The following KLHL29 variants were observed in gnomAD, a reference collection of about 807,000 sequenced individuals.
KLHL29 encodes the protein kelch like family member 29, also known as kelch-like protein 29.
KLHL29 carries 21 observed loss-of-function variants against 80.4 expected under a neutral mutation model. The ratio of observed to expected loss-of-function variants is 0.26; its 90% CI spans 0.19 to 0.38. KLHL29 has a LOEUF of 0.38. Ranked by LOEUF, KLHL29 falls within the 10% of genes least tolerant of loss-of-function variation. The pLI, the probability that KLHL29 is intolerant of heterozygous loss-of-function variation, is 1.00. For synonymous variants in KLHL29, 511 were observed against 526.8 expected, an observed-to-expected ratio of 0.97 and a Z score of 0.41; for missense variants, 867 against 1,223.9, an observed-to-expected ratio of 0.71 and a Z score of 4.35.
intron 3 of KLHL29, among the ~76,000 whole-genome samples, chr2:23,605,772 CG>C (rs1318507159): frequency 1.6e-5 from 2 of 126,710 alleles, no homozygotes; most frequent in Non-Finnish European, 3.5e-5. Context: ...CTGGGAAAAC[CG>C]TTTTTTTTTT....
At chr2:23,629,077 C>T (rs553847085) in intron 3 of KLHL29, among the ~76,000 whole-genome samples, 3 of 152,322 alleles carry the variant, frequency 2.0e-5, no homozygotes, top group South Asian at 2.1e-4. Flanking sequence ...ACAGGCAGGG[C>T]GGCGGGGCCT....
At chr2:23,527,598 G>A (rs564794667) in intron 2 of KLHL29, among the ~76,000 whole-genome samples, 1 of 152,378 alleles carries the variant, frequency 6.6e-6, no homozygotes, top group South Asian at 2.1e-4. Context: ...GCCTTTCTCA[G>A]CGAAGAGTCG....
chr2:23,646,969 T>C (rs1669952110), intron 5 of KLHL29, among the ~76,000 whole-genome samples: 1 of 152,188 alleles, frequency 6.6e-6, no homozygotes, highest in Non-Finnish European at 1.5e-5. Flanking sequence ...CAGCTCTGGC[T>C]ATTGCCTCTG....
In KLHL29 at chr2:23,703,815, G is replaced by A. The variant is rs748058181; in HGVS notation, c.2396G>A (p.Gly799Glu). 39 of 1,537,406 alleles carry A rather than the reference G, an allele frequency of 2.5e-5. No homozygotes were observed. Among genetic ancestry groups the A allele is most frequent in the Middle Eastern group, 1.7e-4 (1 of 6,010 alleles). ...ACCACCATCTACGACCCTGAGAAAG[G>A]AAACATTAAGGCGGGCCCAAACATG... Reference protein sequence around the residue: ...RATTIYDPEKGNIKAGPNMNH... With the variant: ...RATTIYDPEKENIKAGPNMNH... The change falls in exon 13 of 14, where the codon GGA becomes GAA. Residue 799 changes from glycine (G) to glutamate (E), a missense_variant. Coordinates refer to ENST00000486442, the MANE Select transcript of KLHL29 (RefSeq NM_052920.2).
intron 2 of KLHL29, among the ~76,000 whole-genome samples, chr2:23,539,013 CT>C (rs1410631803): frequency 1.3e-5 from 2 of 152,200 alleles, no homozygotes; most frequent in African/African-American, 4.8e-5. Context: ...AACTCCTGAT[CT>C]GGCAAGGATG....
intron 1 of KLHL29, among the ~76,000 whole-genome samples, chr2:23,388,990 T>TTC (rs765415853): frequency 9.3e-4 from 65 of 70,250 alleles, no homozygotes; most frequent in African/African-American, 2.5e-3. Context: ...TTTCTTCTTC[T>TTC]TTTTTTTTTT....
At chr2:23,399,560 C>T (rs1036565826) in intron 1 of KLHL29, among the ~76,000 whole-genome samples, 3 of 152,110 alleles carry the variant, frequency 2.0e-5, no homozygotes, top group African/African-American at 4.8e-5. Context: ...CATTGCATTG[C>T]GTTTATTTAT....
rs952956317 is a variant in KLHL29, at chr2:23,684,957, G to C, written c.1079+420G>C. ...CCCCAGTGCCATCGTCCCTGCTGTCGGTGGTGACTAATGCCAGGAAAGCGC... is the reference window on the plus strand; with the variant it reads ...CCCCAGTGCCATCGTCCCTGCTGTCCGTGGTGACTAATGCCAGGAAAGCGC... On this transcript the variant is annotated intron_variant, in intron 6 of 13. Transcript: ENST00000486442. The surrounding 1 kb of genome is among the most constrained non-coding windows in gnomAD (Gnocchi z 4.4). Among the ~76,000 whole-genome samples, 2 of 152,198 alleles carry C rather than the reference G, an allele frequency of 1.3e-5. No homozygotes were observed. Among genetic ancestry groups the C allele is most frequent in the Non-Finnish European group, 1.5e-5 (1 of 68,028 alleles).
chr2:23,411,142 T>C lies in KLHL29; in HGVS notation c.-154+25362T>C, dbSNP rs72776719. On this transcript the variant is annotated intron_variant, in intron 1 of 13. Transcript: ENST00000486442. ...GTGGAGGCACAAGATGGGGTTATAA[T>C]GTCGATATGACAAATGTTGAAATAT... Among the ~76,000 whole-genome samples the C allele has an allele frequency of 8.4e-3, 1,279 of 152,362 alleles. 12 individuals carry two copies. Among genetic ancestry groups the C allele is most frequent in the Non-Finnish European group, 0.012 (790 of 68,038 alleles).
chr2:23,467,772 A>C (rs1664392478), intron 1 of KLHL29, among the ~76,000 whole-genome samples: 3 of 152,110 alleles, frequency 2.0e-5, no homozygotes, highest in African/African-American at 7.2e-5. Context: ...GGGCTCTGTG[A>C]AGGCTGAAAT....
intron 1 of KLHL29, among the ~76,000 whole-genome samples, chr2:23,430,605 C>A (rs928768783): frequency 1.3e-5 from 2 of 152,156 alleles, no homozygotes; most frequent in African/African-American, 4.8e-5. Context: ...TGCCCAGTGC[C>A]GTTCAGTTAC....
At chr2:23,661,340 T>TAAAAAAAAAAA (rs11483622) in intron 5 of KLHL29, among the ~76,000 whole-genome samples, 388 of 134,790 alleles carry the variant, frequency 2.9e-3, no homozygotes, top group African/African-American at 9.1e-3. Context: ...AGACCCTGTC[T>TAAAAAAAAAAA]AAAAAAAAAA....
At chr2:23,574,170 G>T (rs901161842) in intron 3 of KLHL29, among the ~76,000 whole-genome samples, 3 of 152,158 alleles carry the variant, frequency 2.0e-5, no homozygotes, top group African/African-American at 7.2e-5. Flanking sequence ...TTTGGAGGAG[G>T]AGAGGGAAGA....
chr2:23,545,155 C>T (rs1037280099), intron 2 of KLHL29, among the ~76,000 whole-genome samples: 1 of 152,038 alleles, frequency 6.6e-6, no homozygotes, highest in African/African-American at 2.4e-5. Flanking sequence ...AGCTGCCAGC[C>T]GAGGAGGCTG....
intron 5 of KLHL29, among the ~76,000 whole-genome samples, chr2:23,670,985 C>T (rs62127278): frequency 0.026 from 229 of 8,648 alleles, 17 homozygotes; most frequent in East Asian, 0.077. Context: ...TCTCTCCCTC[C>T]CTCCCTCCCT....
chr2:23,656,928 A>T (rs1273736928), intron 5 of KLHL29, among the ~76,000 whole-genome samples: 3 of 141,964 alleles, frequency 2.1e-5, no homozygotes, highest in Non-Finnish European at 4.6e-5. Flanking sequence ...CTCGTCCCCA[A>T]CAGGAAAAAA....
intron 2 of KLHL29, among the ~76,000 whole-genome samples, chr2:23,542,693 G>A (rs973124590): frequency 7.2e-5 from 11 of 152,228 alleles, no homozygotes; most frequent in Admixed American, 6.5e-4. Context: ...CGTTCTTGCA[G>A]AGGAGGGGCA....
chr2:23,609,298 G>A (rs1033822804), intron 3 of KLHL29, among the ~76,000 whole-genome samples: 3 of 152,138 alleles, frequency 2.0e-5, no homozygotes, highest in Non-Finnish European at 4.4e-5. Flanking sequence ...GGATGAGTTG[G>A]AGAGCTCCAG....
chr2:23,445,671 T>G (rs1009377700), intron 1 of KLHL29, among the ~76,000 whole-genome samples: 1 of 152,240 alleles, frequency 6.6e-6, no homozygotes, highest in Non-Finnish European at 1.5e-5. Context: ...TTGTCAGATA[T>G]TGCTACATTC....
Sources: allele counts gnomAD v4.1 joint callset (sites outside exome capture counted in the v4.1 genomes callset), GRCh38; gene constraint gnomAD v4.1.1; non-coding constraint Gnocchi (gnomAD v3.1); transcripts MANE v1.5; gene names NCBI Gene and HGNC (gene_info 2026-07-23, HGNC 2026-07-21).